FHOD3: variants seen among roughly 807,000 people sequenced by gnomAD.
FHOD3 encodes the protein formin homology 2 domain containing 3.
A neutral mutation model predicts 173.0 loss-of-function variants in FHOD3; 90 were observed. The observed-to-expected ratio is 0.52, with a 90% confidence interval of 0.44 to 0.62. FHOD3 has a LOEUF of 0.62. Among genes scored for constraint, FHOD3 ranks in the 20% least tolerant of loss-of-function variants. The pLI is 0.00. For synonymous variants in FHOD3, 828 were observed against 823.0 expected (o/e 1.01, Z -0.10); for missense variants, 1,945 against 2,034.7 (o/e 0.96, Z 0.85).
At chr18:36,657,039 C>T (rs565014331) in intron 13 of FHOD3, among the ~76,000 whole-genome samples, 11 of 152,158 alleles carry the variant, frequency 7.2e-5, no homozygotes, top group Non-Finnish European at 1.2e-4. Context: ...CTTACTCTGT[C>T]GAAGGATACA....
chr18:36,736,511 G>C (rs2041639905), intron 20 of FHOD3, among the ~76,000 whole-genome samples: 1 of 152,222 alleles, frequency 6.6e-6, no homozygotes, highest in African/African-American at 2.4e-5. Flanking sequence ...CAGCAAGAAG[G>C]AGAGCTGGAA....
chr18:36,328,851 A>G (rs1261467694), intron 1 of FHOD3, among the ~76,000 whole-genome samples: 1 of 152,160 alleles, frequency 6.6e-6, no homozygotes, highest in Non-Finnish European at 1.5e-5. Flanking sequence ...GAGCAGGTTT[A>G]TGGGGACAAT....
intron 27 of FHOD3, among the ~76,000 whole-genome samples, chr18:36,762,256 G>A (rs984077742): frequency 2.6e-5 from 4 of 152,142 alleles, no homozygotes; most frequent in East Asian, 1.9e-4. Context: ...ACCACACCAC[G>A]CATGTGGCTG....
chr18:36,406,287 A>G (rs961851922), intron 3 of FHOD3, among the ~76,000 whole-genome samples: 2 of 152,236 alleles, frequency 1.3e-5, no homozygotes, highest in East Asian at 1.9e-4. Flanking sequence ...TGCCACAAAG[A>G]TACTGATTTG....
chr18:36,667,814 A>G (rs566195871), intron 14 of FHOD3, among the ~76,000 whole-genome samples: 3 of 152,328 alleles, frequency 2.0e-5, no homozygotes, highest in African/African-American at 7.2e-5. Context: ...TTGTGCTACA[A>G]TGTTATGATG....
intron 10 of FHOD3, among the ~76,000 whole-genome samples, chr18:36,641,910 G>A (rs979364729): frequency 5.3e-5 from 8 of 150,276 alleles, no homozygotes; most frequent in East Asian, 2.0e-4. Context: ...CCAAGATTGC[G>A]CCACTGCACT....
chr18:36,501,443 A>G (rs1813479585), intron 3 of FHOD3, among the ~76,000 whole-genome samples: 1 of 152,210 alleles, frequency 6.6e-6, no homozygotes, highest in African/African-American at 2.4e-5. Context: ...TGCAGAAAGC[A>G]TGGGGGTGCA....
At chr18:36,424,286 C>G (rs1343978388) in intron 3 of FHOD3, among the ~76,000 whole-genome samples, 5 of 152,206 alleles carry the variant, frequency 3.3e-5, no homozygotes, top group South Asian at 4.1e-4. Flanking sequence ...TTCTAAGCCA[C>G]TTAGTGTGTA....
rs746656107 is a variant in FHOD3 at position 36,594,822 on chromosome 18, G to A, written c.642G>A (p.Leu214=). The change falls in exon 7 of 29, where the codon CTG becomes CTA. Residue 214 remains leucine (L), a synonymous_variant. Transcript: ENST00000590592. ...RLVVKTALKL[L]LVFVEYSESN... is the part of the protein sequence containing the mutation. ...TGGTGAAGACAGCCCTGAAGCTGCTGCTCGTCTTTGTAGAGTACTCGGAGT... is the reference window on the plus strand; with the variant it reads ...TGGTGAAGACAGCCCTGAAGCTGCTACTCGTCTTTGTAGAGTACTCGGAGT... The A allele has an allele frequency of 6.2e-7, 1 of 1,613,900 alleles. No homozygotes were observed. Among genetic ancestry groups the A allele is most frequent in the South Asian group, 1.1e-5 (1 of 91,050 alleles).
chr18:36,410,284 C>T (rs2049290111), intron 3 of FHOD3, among the ~76,000 whole-genome samples: 1 of 152,162 alleles, frequency 6.6e-6, no homozygotes, highest in African/African-American at 2.4e-5. Flanking sequence ...TGTCTGGCTT[C>T]GTTCACTTAG....
intron 8 of FHOD3, among the ~76,000 whole-genome samples, chr18:36,610,364 A>C (rs1471786165): frequency 6.6e-6 from 1 of 152,202 alleles, no homozygotes; most frequent in Non-Finnish European, 1.5e-5. Context: ...GCAATTTTTC[A>C]ATCAATGTTG....
intron 5 of FHOD3, among the ~76,000 whole-genome samples, chr18:36,555,064 T>A (rs1419701285): frequency 2.6e-5 from 4 of 152,200 alleles, no homozygotes; most frequent in Non-Finnish European, 5.9e-5. Context: ...ATATTTATTA[T>A]TACCCGTATT....
intron 2 of FHOD3, among the ~76,000 whole-genome samples, chr18:36,366,590 C>G (rs2046909562): frequency 6.6e-6 from 1 of 151,200 alleles, no homozygotes; most frequent in African/African-American, 2.4e-5. Flanking sequence ...CGATGTTTTT[C>G]TACCTCTACA....
intron 3 of FHOD3, among the ~76,000 whole-genome samples, chr18:36,455,745 T>C (rs1023546313): frequency 2.0e-5 from 3 of 152,108 alleles, no homozygotes; most frequent in African/African-American, 7.3e-5. Context: ...TACATTTCAG[T>C]CTTTACTGCA....
At chr18:36,626,921 A>T (rs975930918) in intron 10 of FHOD3, among the ~76,000 whole-genome samples, 4 of 152,198 alleles carry the variant, frequency 2.6e-5, no homozygotes, top group African/African-American at 9.6e-5. Context: ...GATACCTGTT[A>T]TCCCAGGAGG....
chr18:36,552,509 T>C (rs979717754), intron 5 of FHOD3, among the ~76,000 whole-genome samples: 19 of 151,748 alleles, frequency 1.3e-4, no homozygotes, highest in Middle Eastern at 3.4e-3. Context: ...TTTCTTTTTT[T>C]TTTTTTTGAG....
intron 3 of FHOD3, among the ~76,000 whole-genome samples, chr18:36,453,803 C>T (rs1055261953): frequency 9.9e-5 from 15 of 152,070 alleles, no homozygotes; most frequent in African/African-American, 2.2e-4. Flanking sequence ...TGTGGGGATG[C>T]GGCAGGTGTC....
chr18:36,458,505 G>T (rs971766649), intron 3 of FHOD3, among the ~76,000 whole-genome samples: 2 of 152,072 alleles, frequency 1.3e-5, no homozygotes, highest in Non-Finnish European at 2.9e-5. Flanking sequence ...CAGAACCAAG[G>T]ATGGGGAGTG....
At chr18:36,422,954 C>T (rs2050061502) in intron 3 of FHOD3, among the ~76,000 whole-genome samples, 1 of 152,098 alleles carries the variant, frequency 6.6e-6, no homozygotes, top group Non-Finnish European at 1.5e-5. Context: ...AAGGAAACCT[C>T]CCAGCAAGAG....
Sources: gnomAD v4.1 joint callset for allele counts (sites outside exome capture counted in the v4.1 genomes callset) on GRCh38, gnomAD v4.1.1 for gene constraint, MANE v1.5 for transcripts, NCBI Gene and HGNC (gene_info 2026-07-23, HGNC 2026-07-21) for gene names.